CCNE1: variants seen among roughly 807,000 people sequenced by gnomAD.
CCNE1 encodes cyclin E1.
A neutral mutation model predicts 54.1 loss-of-function variants in CCNE1; 8 were observed. The ratio of observed to expected loss-of-function variants is 0.15; its 90% CI spans 0.09 to 0.27. The LOEUF (loss-of-function observed/expected upper bound fraction) is 0.27, where lower values mean the gene tolerates loss of function less well. Ranked by LOEUF, CCNE1 falls within the 10% of genes least tolerant of loss-of-function variation. The probability of loss-of-function intolerance (pLI) is 1.00; values close to 1 mark genes in which losing one functional copy is unlikely to be tolerated. For synonymous variants in CCNE1, 179 were observed against 185.2 expected (o/e 0.97, Z 0.27); for missense variants, 430 against 514.9 (o/e 0.84, Z 1.60).
chr19:29,813,439 AGGGTTCCT>A (rs1374375993), intron 4 of CCNE1: 5 of 183,622 alleles, frequency 2.7e-5, no homozygotes, highest in African/African-American at 1.2e-4. Context: ...GAACTGGGGG[AGGGTTCCT>A]GGGTGTTTAT....
rs761652754 is a variant in CCNE1 at position 29,820,798 on chromosome 19, C to G, written c.559C>G (p.Leu187Val). The G allele has an allele frequency of 1.3e-6, 2 of 1,599,636 alleles. No homozygotes were observed. Among genetic ancestry groups the G allele is most frequent in the Non-Finnish European group, 1.7e-6 (2 of 1,169,332 alleles). ...GACACAAGAAAATGTTGTAAAAACT[C>G]TTTTACAGCTTATTGGGATTTCATC... ...MATQENVVKT[L>V]LQLIGISSLF... The change falls in exon 7 of 12, where the codon CTT (leucine) becomes GTT (valine). Residue 187 changes from leucine to valine, a missense_variant. Leu to Val is a conservative substitution (Grantham distance 32). Transcript: ENST00000262643.
rs768100640 is a variant in CCNE1, at chr19:29,812,792, A to G, written c.111+16A>G. On this transcript the variant is annotated intron_variant, in intron 3 of 11. Transcript: ENST00000262643. Reference sequence around the variant, plus strand: ...CGTGACCGTTGTGAGTACAAAAGAGACAGGTTGGGGAGCATCCCCCCCATC... The same window carrying G: ...CGTGACCGTTGTGAGTACAAAAGAGGCAGGTTGGGGAGCATCCCCCCCATC... The G allele has an allele frequency of 2.9e-5, 45 of 1,553,240 alleles. 1 individual carries two copies. The highest frequency in any genetic ancestry group is 2.8e-4 in the South Asian group (24 of 86,276).
chr19:29,814,411 C>T (rs1973963452), intron 4 of CCNE1, among the ~76,000 whole-genome samples: 1 of 152,190 alleles, frequency 6.6e-6, no homozygotes, highest in African/African-American at 2.4e-5. Context: ...ACGAGGGTGC[C>T]TCCTGGGACG....
At chr19:29,821,443 C>T (rs3218064) in intron 7 of CCNE1, among the ~76,000 whole-genome samples, 3,424 of 151,856 alleles carry the variant, frequency 0.023, 99 homozygotes, top group African/African-American at 0.07. Flanking sequence ...TATATGGGCC[C>T]AACTTTCAAA....
At chr19:29,817,340 C>T (rs2145722085) in intron 5 of CCNE1, 58 bp downstream of exon 5, 2 of 1,613,424 alleles carry the variant, frequency 1.2e-6, no homozygotes, top group Non-Finnish European at 1.7e-6. Context: ...TCCCCTTTAT[C>T]CCTCATAGCA....
intron 6 of CCNE1, among the ~76,000 whole-genome samples, chr19:29,818,403 AC>A (rs1974077299): frequency 6.6e-6 from 1 of 151,916 alleles, no homozygotes; most frequent in Non-Finnish European, 1.5e-5. Flanking sequence ...CTTGTGATCC[AC>A]CCACCTCGGC....
Position 29,812,755 on chromosome 19 carries a change from G to T in CCNE1, c.90G>T (p.Lys30Asn). ...CGGAGTTCTCGGCTCGCTCCAGGAAGAGGAAGGCAAACGTGACCGTTGTGA... is the reference window on the plus strand; with the variant it reads ...CGGAGTTCTCGGCTCGCTCCAGGAATAGGAAGGCAAACGTGACCGTTGTGA... ...GGAEFSARSRKRKANVTVFLQ... is the reference protein window; with the variant it reads ...GGAEFSARSRNRKANVTVFLQ... The change falls in exon 3 of 12, where the codon AAG (lysine) becomes AAT (asparagine). Residue 30 changes from lysine to asparagine, a missense_variant. Physicochemically the swap from Lys to Asn is moderately conservative, Grantham distance 94 (BLOSUM62 0). This residue lies in a region of CCNE1 where 127 missense variants were observed against 113.8 expected (regional missense o/e 1.12). Transcript: ENST00000262643. The T allele has an allele frequency of 1.3e-6, 2 of 1,594,022 alleles. No homozygotes were observed. The highest frequency in any genetic ancestry group is 1.3e-5 in the African/African-American group (1 of 74,968).
intron 6 of CCNE1, among the ~76,000 whole-genome samples, chr19:29,819,407 G>T (rs1006214630): frequency 6.6e-6 from 1 of 150,730 alleles, no homozygotes; most frequent in African/African-American, 2.4e-5. Flanking sequence ...CTCAGCCTCC[G>T]CAGTCCTTGG....
chr19:29,817,025 A>G, intron 4 of CCNE1, 112 bp from the exon 5 acceptor site: 1 of 1,111,634 alleles, frequency 9.0e-7, no homozygotes, highest in Non-Finnish European at 1.3e-6. Flanking sequence ...AAGCACTTTC[A>G]GAAGTCATGC....
At chr19:29,822,780 C>T (rs573141129) in intron 11 of CCNE1, among the ~76,000 whole-genome samples, 177 bp downstream of exon 11, 1 of 152,068 alleles carries the variant, frequency 6.6e-6, no homozygotes, top group South Asian at 2.1e-4. Context: ...CTTGTCTCTA[C>T]TAAAAATAAA....
chr19:29,814,477 A>G (rs1055258864), intron 4 of CCNE1, among the ~76,000 whole-genome samples: 1 of 150,730 alleles, frequency 6.6e-6, no homozygotes, highest in African/African-American at 2.5e-5. Context: ...CGGAATAGCC[A>G]TACCATTTCC....
intron 8 of CCNE1, 36 bp from the exon 9 acceptor site, chr19:29,821,960 C>T: frequency 6.3e-7 from 1 of 1,593,038 alleles, no homozygotes; most frequent in Admixed American, 1.7e-5. Context: ...CTTCTTTTCT[C>T]AATCATCGGT....
Position 29,823,785 on chromosome 19 carries a change from A to C in CCNE1, c.*8A>C. 3 of 1,606,688 alleles carry C rather than the reference A, an allele frequency of 1.9e-6. No individual in the cohort carries two copies. Among genetic ancestry groups the C allele is most frequent in the Non-Finnish European group, 2.6e-6 (3 of 1,176,282 alleles). ...GGGCCGGAAATGGCGTGACCACCCC[A>C]TCCTTCTCCACCAAAGACAGTTGCG... is the stretch of plus-strand genomic sequence containing the variant. On this transcript the variant is annotated 3_prime_UTR_variant, in exon 12 of 12. Transcript: ENST00000262643.
At chr19:29,821,627 A>G (rs1161529526) in intron 7 of CCNE1, 95 bp from the exon 8 acceptor site, 1 of 610,912 alleles carries the variant, frequency 1.6e-6, no homozygotes, top group African/African-American at 2.0e-5. Context: ...CTCTCTTTCC[A>G]TGCCAGGGTA....
chr19:29,817,247 T>C lies in CCNE1; in HGVS notation c.291T>C (p.Ile97=). 2 of 1,614,180 alleles carry C rather than the reference T, an allele frequency of 1.2e-6. No homozygotes were observed. The highest frequency in any genetic ancestry group is 1.7e-6 in the Non-Finnish European group (2 of 1,180,030). Residue 97 remains isoleucine (I), a synonymous_variant, in exon 5 of 12, where the codon ATT becomes ATC. Coordinates refer to ENST00000262643, the MANE Select transcript of CCNE1 (RefSeq NM_001238.4). Reference sequence around the variant, plus strand: ...ACTCAACGTGCAAGCCTCGGATTATTGCACCATCCAGAGGCTCCCCGCTGC... The same window carrying C: ...ACTCAACGTGCAAGCCTCGGATTATCGCACCATCCAGAGGCTCCCCGCTGC... ...YPNSTCKPRI[I]APSRGSPLPV... is the part of the protein sequence containing the mutation.
intron 4 of CCNE1, among the ~76,000 whole-genome samples, chr19:29,815,283 C>T (rs1973985935): frequency 6.6e-6 from 1 of 152,232 alleles, no homozygotes; most frequent in Admixed American, 6.5e-5. Flanking sequence ...TGAAGAACAA[C>T]TTACAGCGGT....
At chr19:29,821,280 G>C (rs1038052872) in intron 7 of CCNE1, among the ~76,000 whole-genome samples, 1 of 152,128 alleles carries the variant, frequency 6.6e-6, no homozygotes, top group South Asian at 2.1e-4. Context: ...CCAGCTATTC[G>C]GGAGGCTGAG....
In CCNE1 at chr19:29,812,429, C is replaced by A. The variant is rs969374157; in HGVS notation, c.-24-103C>A. ...CGCGGGTGACAGGCCACCCCGCCAT[C>A]GGCCATCTTCCTGGCTCGCCCGGCC... On this transcript the variant is annotated intron_variant, in intron 1 of 11. Coordinates refer to ENST00000262643, the MANE Select transcript of CCNE1 (RefSeq NM_001238.4). The A allele has an allele frequency of 3.1e-4, 234 of 766,890 alleles. 1 individual carries two copies. Among genetic ancestry groups the A allele is most frequent in the Non-Finnish European group, 3.8e-4 (217 of 576,132 alleles). 47.5% of individuals were successfully genotyped at this position (766,890 alleles called of 1,614,324 possible).
At chr19:29,823,612 ATGTTCTACTCTAATGT>A in intron 11 of CCNE1, 27 bp from the exon 12 acceptor site, 1 of 1,530,424 alleles carries the variant, frequency 6.5e-7, no homozygotes, top group Non-Finnish European at 8.8e-7. Flanking sequence ...GCCCAAGGAT[ATGTTCTACTCTAATGT>A]GTTGTCCCTT....
Sources: gnomAD v4.1 joint callset for allele counts (sites outside exome capture counted in the v4.1 genomes callset) on GRCh38, gnomAD v4.1.1 for gene constraint, gnomAD v4.1.1 regional missense constraint, MANE v1.5 for transcripts, NCBI Gene and HGNC (gene_info 2026-07-23, HGNC 2026-07-21) for gene names.